ADAMTSL1: variants seen among roughly 807,000 people sequenced by gnomAD.
The protein encoded by ADAMTSL1 is ADAMTS-like protein 1.
In ADAMTSL1, 126 loss-of-function variants were observed where a neutral mutation model predicts 201.8. The ratio of observed to expected loss-of-function variants is 0.62; its 90% CI spans 0.54 to 0.72. ADAMTSL1 has a LOEUF of 0.72. ADAMTSL1 is among the 30% of genes least tolerant of loss of function. ADAMTSL1 has a pLI of 0.00. For missense variants in ADAMTSL1, 2,679 were observed against 2,277.8 expected, an observed-to-expected ratio of 1.18 and a Z score of -3.59; for synonymous variants, 1,121 against 903.4, an observed-to-expected ratio of 1.24 and a Z score of -4.32.
chr9:18,299,160 G>GT (rs1301517649), intron 2 of ADAMTSL1, among the ~76,000 whole-genome samples: 5 of 152,252 alleles, frequency 3.3e-5, no homozygotes, highest in Non-Finnish European at 7.4e-5. Context: ...TCTTAGAGGA[G>GT]TGGGTAAGCT....
chr9:18,680,439 T>C lies in ADAMTSL1; in HGVS notation c.1264T>C (p.Tyr422His). 2.5e-6 allele frequency: 4 copies of C among 1,614,188 alleles called. No individual in the cohort carries two copies. The highest frequency in any genetic ancestry group is 1.1e-5 in the South Asian group (1 of 91,080). The change falls in exon 11 of 29, where the codon TAC becomes CAC. Residue 422 changes from tyrosine to histidine, a missense_variant. Transcript: ENST00000380548. Reference sequence around the variant, plus strand: ...TTCAGTGGAAGAGTGGAAATGCATGTACACCCCTAAGATGCCCATCGCGCA... The same window carrying C: ...TTCAGTGGAAGAGTGGAAATGCATGCACACCCCTAAGATGCCCATCGCGCA... Reference protein sequence around the residue: ...VTSVEEWKCMYTPKMPIAQPC... With the variant: ...VTSVEEWKCMHTPKMPIAQPC...
Position 18,367,781 on chromosome 9 carries a change from A to T in ADAMTSL1, c.208-137048A>T, listed in dbSNP as rs145465405. On this transcript the variant is annotated intron_variant, in intron 2 of 29. Coordinates refer to the ADAMTSL1 transcript ENST00000680146. ...TTTATCGGCACAGAGTTACACATTC[A>T]GTGTCAGAGCCAGGTTTTGAATCCA... 9.0e-4 allele frequency among the ~76,000 whole-genome samples: 137 copies of T among 152,214 alleles called. 1 individual carries two copies. The highest frequency in any genetic ancestry group is 2.7e-3 in the African/African-American group (114 of 41,522).
At chr9:18,388,970 T>C (rs1837930059) in intron 2 of ADAMTSL1, among the ~76,000 whole-genome samples, 1 of 152,050 alleles carries the variant, frequency 6.6e-6, no homozygotes, top group Non-Finnish European at 1.5e-5. Context: ...TTGGCTAGAC[T>C]TGTCTTGAAC....
At chr9:18,617,106 A>T (rs1178264396) in intron 4 of ADAMTSL1, among the ~76,000 whole-genome samples, 1 of 152,222 alleles carries the variant, frequency 6.6e-6, no homozygotes. Flanking sequence ...ATGATGTTGG[A>T]TCAAGAAAAG....
chr9:18,133,974 T>C (rs1004055804), intron 1 of ADAMTSL1, among the ~76,000 whole-genome samples: 1 of 152,172 alleles, frequency 6.6e-6, no homozygotes, highest in African/African-American at 2.4e-5. Context: ...TATGTTGGAA[T>C]GTATTGAGAG....
At chr9:18,101,476 C>T (rs1163087242) in intron 1 of ADAMTSL1, among the ~76,000 whole-genome samples, 1 of 146,900 alleles carries the variant, frequency 6.8e-6, no homozygotes, top group African/African-American at 2.5e-5. Context: ...CCAGCCTGGG[C>T]AACAGGGTGA....
chr9:18,318,014 T>G (rs1373377708), intron 2 of ADAMTSL1, among the ~76,000 whole-genome samples: 4 of 152,298 alleles, frequency 2.6e-5, no homozygotes, highest in African/African-American at 9.6e-5. Flanking sequence ...ACATGTTGGA[T>G]ATAATTTTAA....
At chr9:17,956,552 A>G (rs1026623468) in intron 1 of ADAMTSL1, among the ~76,000 whole-genome samples, 1 of 152,076 alleles carries the variant, frequency 6.6e-6, no homozygotes, top group African/African-American at 2.4e-5. Flanking sequence ...GACTGTAACT[A>G]TTTCAGTAGG....
Position 18,837,845 on chromosome 9 carries a change from C to T in ADAMTSL1, c.4249+7868C>T, listed in dbSNP as rs552859155. ...AGAAAATGTTTGCCAACCCCTGATC[C>T]GGTCCCTCTACCTTATTATTGGAAA... On this transcript the variant is annotated intron_variant, in intron 23 of 28. Transcript: ENST00000380548. Among the ~76,000 whole-genome samples the T allele has an allele frequency of 2.6e-5, 4 of 152,254 alleles. No individual in the cohort carries two copies. The South Asian group carries it at 6.2e-4, about 24-fold the overall frequency.
At chr9:18,721,063 C>A (rs994245986) in intron 14 of ADAMTSL1, among the ~76,000 whole-genome samples, 4 of 152,214 alleles carry the variant, frequency 2.6e-5, no homozygotes, top group African/African-American at 9.6e-5. Flanking sequence ...GATTCAAGAC[C>A]TCAAGAGCCC....
chr9:18,490,627 G>A (rs1822224140), intron 1 of ADAMTSL1, among the ~76,000 whole-genome samples: 1 of 152,182 alleles, frequency 6.6e-6, no homozygotes. Context: ...TCGGAGCACA[G>A]AGAGAACAGG....
At chr9:18,264,450 G>A (rs889180154) in intron 2 of ADAMTSL1, among the ~76,000 whole-genome samples, 2 of 152,110 alleles carry the variant, frequency 1.3e-5, no homozygotes, top group East Asian at 1.9e-4. Flanking sequence ...CTCCTCTGAA[G>A]AAGTGTCCCA....
chr9:18,276,806 A>T (rs1369587261), intron 2 of ADAMTSL1, among the ~76,000 whole-genome samples: 1 of 152,142 alleles, frequency 6.6e-6, no homozygotes, highest in Non-Finnish European at 1.5e-5. Flanking sequence ...TTATGGTGAG[A>T]ATAGCACCAA....
At chr9:18,541,335 C>T (rs2132157092) in intron 3 of ADAMTSL1, among the ~76,000 whole-genome samples, 2 of 152,256 alleles carry the variant, frequency 1.3e-5, no homozygotes, top group Middle Eastern at 6.8e-3. Context: ...CATGGTGAAA[C>T]ACCGTCTCTA....
intron 2 of ADAMTSL1, among the ~76,000 whole-genome samples, chr9:18,450,939 T>C (rs550362164): frequency 6.6e-6 from 1 of 152,360 alleles, no homozygotes; most frequent in African/African-American, 2.4e-5. Context: ...AGAACTGTAG[T>C]CTGGGTTTGT....
At chr9:18,661,576 A>T (rs73433588) in intron 8 of ADAMTSL1, among the ~76,000 whole-genome samples, 6,032 of 152,224 alleles carry the variant, frequency 0.04, 414 homozygotes, top group African/African-American at 0.14. Context: ...CTTGTATAAG[A>T]TGGTTGGTAA....
chr9:18,527,600 A>C (rs1819165703), intron 2 of ADAMTSL1, among the ~76,000 whole-genome samples: 1 of 152,176 alleles, frequency 6.6e-6, no homozygotes, highest in African/African-American at 2.4e-5. Context: ...TCAGGTTGTT[A>C]AATGACAGTT....
intron 2 of ADAMTSL1, among the ~76,000 whole-genome samples, chr9:18,289,135 GTCTATCTA>G (rs10622385): frequency 7.9e-4 from 115 of 145,306 alleles, no homozygotes; most frequent in African/African-American, 1.7e-3. Flanking sequence ...ATATATGTCT[GTCTATCTA>G]TCTATCTATC....
chr9:18,015,539 C>T (rs1047379830), intron 1 of ADAMTSL1, among the ~76,000 whole-genome samples: 9 of 152,096 alleles, frequency 5.9e-5, no homozygotes, highest in African/African-American at 2.2e-4. Flanking sequence ...ACAAGGACTA[C>T]ACACTCACTT....
Sources: allele counts gnomAD v4.1 joint callset (sites outside exome capture counted in the v4.1 genomes callset), GRCh38; gene constraint gnomAD v4.1.1; transcripts MANE v1.5; gene names NCBI Gene and HGNC (gene_info 2026-07-23, HGNC 2026-07-21).